The following GIMAP7 variants were observed in gnomAD, a reference collection of about 807,000 sequenced individuals.
GIMAP7 encodes GTPase IMAP family member 7.
For missense variants in GIMAP7, 323 were observed against 359.7 expected (o/e 0.90, Z 0.83); for synonymous variants, 137 against 129.3 (o/e 1.06, Z -0.40).
rs144054418 is a variant in GIMAP7 at position 150,520,307 on chromosome 7, C to G, written c.333C>G (p.Thr111=). ...LGRYTEEEQK[T]VALIKAVFGK... ...GCTACACAGAGGAGGAGCAGAAAAC[C>G]GTTGCATTGATCAAGGCTGTCTTTG... Residue 111 remains threonine (T), a synonymous_variant, in exon 2 of 2, where the codon ACC becomes ACG. Transcript: ENST00000313543. The G allele has an allele frequency of 7.7e-5, 125 of 1,614,112 alleles. No individual in the cohort carries two copies. Among genetic ancestry groups the G allele is most frequent in the African/African-American group, 7.6e-4 (57 of 75,028 alleles).
Position 150,519,949 on chromosome 7 carries a change from A to C in GIMAP7, c.-26A>C. On this transcript the variant is annotated 5_prime_UTR_variant, in exon 2 of 2. Transcript: ENST00000313543. Reference sequence around the variant, plus strand: ...CCTCCTTAAGGTCTTGTACGTGCCTAAGTTCTAGAGCCTCCTGACGTGAGC... The same window carrying C: ...CCTCCTTAAGGTCTTGTACGTGCCTCAGTTCTAGAGCCTCCTGACGTGAGC... 2 of 1,605,538 alleles carry C rather than the reference A, an allele frequency of 1.2e-6. No individual in the cohort carries two copies. Among genetic ancestry groups the C allele is most frequent in the Non-Finnish European group, 1.7e-6 (2 of 1,174,172 alleles).
In GIMAP7 at chr7:150,520,621, G is replaced by A. The variant is rs772280855; in HGVS notation, c.647G>A (p.Arg216Gln). 11 of 1,603,172 alleles carry A rather than the reference G, an allele frequency of 6.9e-6. No individual in the cohort carries two copies. The Admixed American group carries it at 8.5e-5, about 12-fold the overall frequency. The change falls in exon 2 of 2, where the codon CGG becomes CAG. Residue 216 changes from arginine (R) to glutamine (Q), a missense_variant. By Grantham distance (43) the Arg-to-Gln change is conservative. Coordinates refer to ENST00000313543, the MANE Select transcript of GIMAP7 (RefSeq NM_153236.4). The stretch of plus-strand genomic sequence containing the variant: ...GACACAGAGGAAAGGCTGAAACAAC[G>A]GGAAGAGGTTTTGAGGAAAATCTAC... ...YKDTEERLKQ[R>Q]EEVLRKIYTD...
chr7:150,519,524 A>G (rs1183841142), intron 1 of GIMAP7, among the ~76,000 whole-genome samples: 1 of 152,202 alleles, frequency 6.6e-6, no homozygotes, highest in Non-Finnish European at 1.5e-5. Context: ...TTTGTATATT[A>G]GTATTCACAA....
At position 150,520,642 on chromosome 7, in the gene GIMAP7, T is replaced by A; in HGVS notation, c.668T>A (p.Ile223Asn). Residue 223 changes from isoleucine (I) to asparagine (N), a missense_variant, in exon 2 of 2, where the codon ATC becomes AAC. Coordinates refer to ENST00000313543, the MANE Select transcript of GIMAP7 (RefSeq NM_153236.4). ...LKQREEVLRK[I>N]YTDQLNEEIK... The stretch of plus-strand genomic sequence containing the variant: ...CAACGGGAAGAGGTTTTGAGGAAAA[T>A]CTACACTGACCAATTAAATGAAGAA... 1.2e-6 allele frequency: 2 copies of A among 1,613,608 alleles called. No individual in the cohort carries two copies. Among genetic ancestry groups the A allele is most frequent in the Non-Finnish European group, 1.7e-6 (2 of 1,179,848 alleles).
At position 150,520,956 on chromosome 7, in the gene GIMAP7, A is replaced by G. The variant is rs1795184919; in HGVS notation, c.*79A>G. The G allele has an allele frequency of 4.9e-6, 3 of 613,232 alleles. No individual in the cohort carries two copies. The highest frequency in any genetic ancestry group is 3.3e-5 in the Admixed American group (1 of 30,250). The allele number at this position is 613,232 out of a possible 1,614,324, so 38.0% of individuals were successfully genotyped here. A position where few individuals can be genotyped will look rare whatever the true frequency, so the allele number is the denominator to read the frequency against. On this transcript the variant is annotated 3_prime_UTR_variant, in exon 2 of 2. Coordinates refer to ENST00000313543, the MANE Select transcript of GIMAP7 (RefSeq NM_153236.4). ...ATACCTCCTTCCCCTTAGCTTTATT[A>G]AGGTATCATTGATAAATAAAAATAA...
intron 1 of GIMAP7, among the ~76,000 whole-genome samples, chr7:150,519,263 A>C (rs1469833807): frequency 6.6e-6 from 1 of 152,218 alleles, no homozygotes; most frequent in Admixed American, 6.5e-5. Flanking sequence ...ACAAAATTGA[A>C]AAAATTATAT....
intron 1 of GIMAP7, 150 bp from the exon 2 acceptor site, chr7:150,519,784 C>T (rs1026147966): frequency 4.8e-5 from 27 of 566,708 alleles, no homozygotes; most frequent in African/African-American, 1.9e-4. Context: ...CCATATTAAT[C>T]GGACTATTTC....
rs367811003 is a variant in GIMAP7, at chr7:150,520,129, G to A, written c.155G>A (p.Arg52Gln). 1.5e-5 allele frequency: 24 copies of A among 1,614,084 alleles called. 1 individual carries two copies. The highest frequency in any genetic ancestry group is 8.0e-5 in the African/African-American group (6 of 75,022). The change falls in exon 2 of 2, where the codon CGG becomes CAG. Residue 52 changes from arginine (R) to glutamine (Q), a missense_variant. By Grantham distance (43) the Arg-to-Gln change is conservative. Coordinates refer to ENST00000313543, the MANE Select transcript of GIMAP7 (RefSeq NM_153236.4). ...ACCAAGAACTGTCAAAAAGCATCCCGGGAATGGCAGGGGAGAGACCTTCTT... is the reference window on the plus strand; with the variant it reads ...ACCAAGAACTGTCAAAAAGCATCCCAGGAATGGCAGGGGAGAGACCTTCTT... ...AVTKNCQKASREWQGRDLLVV... is the reference protein window; with the variant it reads ...AVTKNCQKASQEWQGRDLLVV...
rs1258218781 is a variant in GIMAP7 at position 150,519,965 on chromosome 7, T to G, written c.-10T>G. 6.2e-7 allele frequency: 1 copy of G among 1,612,484 alleles called. No homozygotes were observed. Among genetic ancestry groups the G allele is most frequent in the African/African-American group, 1.3e-5 (1 of 74,914 alleles). ...TACGTGCCTAAGTTCTAGAGCCTCCTGACGTGAGCATGGCTGAGAGTGAGG... is the reference window on the plus strand; with the variant it reads ...TACGTGCCTAAGTTCTAGAGCCTCCGGACGTGAGCATGGCTGAGAGTGAGG... On this transcript the variant is annotated 5_prime_UTR_variant, in exon 2 of 2. Coordinates refer to ENST00000313543, the MANE Select transcript of GIMAP7 (RefSeq NM_153236.4).
Sources: gnomAD v4.1 joint callset for allele counts (sites outside exome capture counted in the v4.1 genomes callset) on GRCh38, gnomAD v4.1.1 for gene constraint, MANE v1.5 for transcripts, NCBI Gene and HGNC (gene_info 2026-07-23, HGNC 2026-07-21) for gene names.